TMEM132D: variants seen among roughly 807,000 people sequenced by gnomAD.
The protein encoded by TMEM132D is transmembrane protein 132D.
TMEM132D carries 21 observed loss-of-function variants against 62.3 expected under a neutral mutation model. The observed-to-expected ratio is 0.34, with a 90% CI of 0.24 to 0.49. The LOEUF (loss-of-function observed/expected upper bound fraction) is 0.49, where lower values mean the gene tolerates loss of function less well. TMEM132D is among the 20% of genes least tolerant of loss of function. The pLI is 0.99. For missense variants in TMEM132D, 1,346 were observed against 1,402.8 expected (o/e 0.96, Z 0.65); for synonymous variants, 621 against 575.6 (o/e 1.08, Z -1.13).
intron 1 of TMEM132D, among the ~76,000 whole-genome samples, chr12:129,845,388 A>T (rs891036777): frequency 6.6e-6 from 1 of 152,220 alleles, no homozygotes; most frequent in Non-Finnish European, 1.5e-5. Context: ...CAAGAGCAAC[A>T]TGTTTTACAT....
intron 5 of TMEM132D, among the ~76,000 whole-genome samples, chr12:129,099,228 G>A (rs1361739282): frequency 6.6e-6 from 1 of 152,068 alleles, no homozygotes; most frequent in African/African-American, 2.4e-5. Context: ...TAAGAAGAGG[G>A]GTATATAACT....
intron 5 of TMEM132D, among the ~76,000 whole-genome samples, chr12:129,103,597 C>T (rs897367463): frequency 6.6e-6 from 1 of 152,210 alleles, no homozygotes; most frequent in Non-Finnish European, 1.5e-5. Flanking sequence ...TCACCCAGGC[C>T]TCTGCTTTCC....
At chr12:129,113,538 A>G (rs1440629114) in intron 5 of TMEM132D, among the ~76,000 whole-genome samples, 1 of 152,200 alleles carries the variant, frequency 6.6e-6, no homozygotes, top group Non-Finnish European at 1.5e-5. Flanking sequence ...AAAAATGACA[A>G]TCAGTAATAA....
At chr12:129,733,220 C>T (rs1265583867) in intron 1 of TMEM132D, among the ~76,000 whole-genome samples, 1 of 152,118 alleles carries the variant, frequency 6.6e-6, no homozygotes, top group Non-Finnish European at 1.5e-5. Flanking sequence ...AGTATGGGGG[C>T]CTTGGGCACA....
chr12:129,314,334 G>T (rs1868412544), intron 4 of TMEM132D, among the ~76,000 whole-genome samples: 2 of 152,146 alleles, frequency 1.3e-5, no homozygotes, highest in South Asian at 4.1e-4. Flanking sequence ...CCTAAAAGTG[G>T]CTAGCCAATT....
intron 5 of TMEM132D, among the ~76,000 whole-genome samples, chr12:129,154,894 C>A (rs1433708573): frequency 6.6e-6 from 1 of 152,164 alleles, no homozygotes; most frequent in Non-Finnish European, 1.5e-5. Flanking sequence ...CTGTTGATTT[C>A]TCTGTGCACG....
At chr12:129,550,521 C>T (rs755200784) in intron 2 of TMEM132D, among the ~76,000 whole-genome samples, 47 of 152,328 alleles carry the variant, frequency 3.1e-4, no homozygotes, top group Non-Finnish European at 2.4e-4. Flanking sequence ...TAGCAGCCCA[C>T]ATGCTCTAAT....
At chr12:129,732,488 G>T (rs1315328734) in intron 1 of TMEM132D, among the ~76,000 whole-genome samples, 1 of 152,156 alleles carries the variant, frequency 6.6e-6, no homozygotes, top group Non-Finnish European at 1.5e-5. Context: ...CTCAGAGCTT[G>T]GTGCTGTCTT....
At chr12:129,820,746 CA>C (rs1206281526) in intron 1 of TMEM132D, among the ~76,000 whole-genome samples, 3 of 152,118 alleles carry the variant, frequency 2.0e-5, no homozygotes, top group Non-Finnish European at 4.4e-5. Flanking sequence ...AACTGTTCCT[CA>C]AATTTTATTT....
intron 1 of TMEM132D, among the ~76,000 whole-genome samples, chr12:129,835,315 G>A (rs2137338199): frequency 6.6e-6 from 1 of 152,200 alleles, no homozygotes; most frequent in African/African-American, 2.4e-5. Flanking sequence ...TTTTGAGATA[G>A]GATCTTACTT....
intron 2 of TMEM132D, among the ~76,000 whole-genome samples, chr12:129,686,504 T>C (rs1298729129): frequency 2.0e-5 from 3 of 152,212 alleles, no homozygotes; most frequent in Non-Finnish European, 4.4e-5. Flanking sequence ...TGTGAGTCAA[T>C]TAAACCTCTT....
In TMEM132D at chr12:129,227,319, A is replaced by G. The variant is rs955486622; in HGVS notation, c.1300-17656T>C. On this transcript the variant is annotated intron_variant, in intron 4 of 8. Transcript: ENST00000422113. ...TTAGGAAATATATATATATATATAT[A>G]TATATATGGCGCAAGTCGGAGTTTT... 5.7e-4 allele frequency among the ~76,000 whole-genome samples: 80 copies of G among 139,960 alleles called. 3 individuals carry two copies. The highest frequency in any genetic ancestry group is 1.8e-3 in the African/African-American group (66 of 36,670). 91.8% of individuals were successfully genotyped at this position (139,960 alleles called of 152,430 possible). A position where few individuals can be genotyped will look rare whatever the true frequency, so the allele number is the denominator to read the frequency against.
At chr12:129,774,876 G>A (rs1231629776) in intron 1 of TMEM132D, among the ~76,000 whole-genome samples, 1 of 152,212 alleles carries the variant, frequency 6.6e-6, no homozygotes, top group Non-Finnish European at 1.5e-5. Context: ...GACACGCTGA[G>A]TAATGGATCT....
chr12:129,392,870 C>G (rs1208046179), intron 3 of TMEM132D, among the ~76,000 whole-genome samples: 1 of 149,146 alleles, frequency 6.7e-6, no homozygotes. Flanking sequence ...GGGCCAGATA[C>G]AAGGAAAATA....
intron 1 of TMEM132D, among the ~76,000 whole-genome samples, chr12:129,829,415 A>T (rs73160248): frequency 0.071 from 10,847 of 151,990 alleles, 424 homozygotes; most frequent in East Asian, 0.11. Context: ...GTACAGCACA[A>T]TTTTTCCATG....
At chr12:129,680,498 A>G (rs1014476306) in intron 2 of TMEM132D, among the ~76,000 whole-genome samples, 1 of 152,028 alleles carries the variant, frequency 6.6e-6, no homozygotes, top group East Asian at 1.9e-4. Context: ...GACTATACTC[A>G]TTTCTGAATG....
chr12:129,328,763 C>G (rs1430066355), intron 4 of TMEM132D, among the ~76,000 whole-genome samples: 1 of 152,110 alleles, frequency 6.6e-6, no homozygotes, highest in African/African-American at 2.4e-5. Context: ...AGCCTACGCT[C>G]TGTTTCCCGT....
rs1874164527 is a variant in TMEM132D at position 129,074,072 on chromosome 12, G to A, written c.3103C>T (p.Pro1035Ser). 6 of 1,614,012 alleles carry A rather than the reference G, an allele frequency of 3.7e-6. No homozygotes were observed. Among genetic ancestry groups the A allele is most frequent in the Non-Finnish European group, 5.1e-6 (6 of 1,179,974 alleles). Residue 1035 changes from proline (P) to serine (S), a missense_variant, in exon 9 of 9, where the codon CCA becomes TCA. Transcript: ENST00000422113. ...IDGKDQKSEP[P>S]TSPTSKRKRV... ...TTCCTTTTTGAGGTAGGGGATGTTG[G>A]GGGCTCACTTTTCTGATCTTTCCCA...
At chr12:129,407,889 C>CAAAAAA (rs34385881) in intron 3 of TMEM132D, among the ~76,000 whole-genome samples, 3 of 96,002 alleles carry the variant, frequency 3.1e-5, no homozygotes, top group African/African-American at 7.9e-5. Flanking sequence ...GACTCCGACT[C>CAAAAAA]AAAAAAAAAA....
Sources: allele counts gnomAD v4.1 joint callset (sites outside exome capture counted in the v4.1 genomes callset), GRCh38; gene constraint gnomAD v4.1.1; transcripts MANE v1.5; gene names NCBI Gene and HGNC (gene_info 2026-07-23, HGNC 2026-07-21).